CNOT4: variants seen among roughly 807,000 people sequenced by gnomAD.
The protein encoded by CNOT4 is CCR4-NOT transcription complex subunit 4, also known as CCR4-associated factor 4.
In CNOT4, 8 loss-of-function variants were observed where a neutral mutation model predicts 73.8. The observed-to-expected ratio is 0.11, with a 90% CI of 0.06 to 0.20. The LOEUF is 0.20. Among genes scored for constraint, CNOT4 ranks in the 10% least tolerant of loss-of-function variants. The pLI, the probability that CNOT4 is intolerant of heterozygous loss-of-function variation, is 1.00. For synonymous variants in CNOT4, 293 were observed against 321.1 expected, an observed-to-expected ratio of 0.91 and a Z score of 0.94; for missense variants, 564 against 883.4, an observed-to-expected ratio of 0.64 and a Z score of 4.58.
chr7:135,412,260 C>T (rs182253884), intron 6 of CNOT4, among the ~76,000 whole-genome samples: 13 of 151,878 alleles, frequency 8.6e-5, no homozygotes, highest in Admixed American at 7.9e-4. Context: ...GGTTAAATCC[C>T]ATTACAAACA....
intron 3 of CNOT4, among the ~76,000 whole-genome samples, chr7:135,421,300 T>C (rs575376002): frequency 4.6e-5 from 7 of 152,306 alleles, no homozygotes; most frequent in South Asian, 4.1e-4. Context: ...CACTACAATC[T>C]TTCCTCTGAT....
intron 10 of CNOT4, chr7:135,387,111 TAATTA>T: frequency 1.0e-6 from 1 of 982,874 alleles, no homozygotes; most frequent in Non-Finnish European, 1.2e-6. Flanking sequence ...ATGAAAACCA[TAATTA>T]AATTAAGCTA....
intron 2 of CNOT4, among the ~76,000 whole-genome samples, chr7:135,432,369 T>G (rs1798900684): frequency 6.6e-6 from 1 of 152,242 alleles, no homozygotes; most frequent in Admixed American, 6.5e-5. Context: ...TTTTCATTTC[T>G]CTACAACTTT....
At chr7:135,386,156 T>C (rs1461269624) in intron 10 of CNOT4, 1 of 139,072 alleles carries the variant, frequency 7.2e-6, no homozygotes, top group Non-Finnish European at 1.5e-5. Context: ...AGCTGTTCTT[T>C]TTTTTTTTTT....
At chr7:135,368,705 G>C (rs1490545947) in intron 10 of CNOT4, among the ~76,000 whole-genome samples, 2 of 152,080 alleles carry the variant, frequency 1.3e-5, no homozygotes, top group African/African-American at 4.8e-5. Flanking sequence ...TCTCACAACA[G>C]GTTGAAACTA....
chr7:135,431,510 A>G (rs562852028), intron 2 of CNOT4, among the ~76,000 whole-genome samples: 5 of 152,258 alleles, frequency 3.3e-5, no homozygotes, highest in Admixed American at 6.5e-5. Context: ...TTGGGAGGCC[A>G]AGGCGGGTGG....
chr7:135,390,869 GA>G (rs1476379571), intron 10 of CNOT4, among the ~76,000 whole-genome samples: 1 of 152,084 alleles, frequency 6.6e-6, no homozygotes, highest in Admixed American at 6.6e-5. Flanking sequence ...TGCCTTTCCA[GA>G]GTGTAGAATT....
At chr7:135,397,868 C>T (rs1354394105) in intron 8 of CNOT4, among the ~76,000 whole-genome samples, 1 of 152,046 alleles carries the variant, frequency 6.6e-6, no homozygotes, top group Non-Finnish European at 1.5e-5. Context: ...AAGCAAGGAA[C>T]TCAGAAGGCA....
intron 1 of CNOT4, among the ~76,000 whole-genome samples, chr7:135,477,063 C>A (rs1018089660): frequency 1.3e-5 from 2 of 151,968 alleles, no homozygotes; most frequent in African/African-American, 4.8e-5. Context: ...AATTTTAGGC[C>A]AGATGTTGTG....
intron 10 of CNOT4, among the ~76,000 whole-genome samples, chr7:135,376,736 T>C (rs924891669): frequency 3.9e-5 from 6 of 152,202 alleles, no homozygotes; most frequent in Non-Finnish European, 8.8e-5. Flanking sequence ...GTCTTATCTT[T>C]TTCTAAAAGA....
intron 7 of CNOT4, among the ~76,000 whole-genome samples, chr7:135,399,380 T>C (rs1234529808): frequency 6.6e-6 from 1 of 152,044 alleles, no homozygotes; most frequent in African/African-American, 2.4e-5. Context: ...CAATGTAACA[T>C]AAGGGTAAGC....
intron 1 of CNOT4, among the ~76,000 whole-genome samples, chr7:135,477,039 T>C (rs992227306): frequency 1.3e-5 from 2 of 152,224 alleles, no homozygotes; most frequent in Non-Finnish European, 2.9e-5. Flanking sequence ...TGAATATATA[T>C]GCTATAAATA....
intron 1 of CNOT4, among the ~76,000 whole-genome samples, chr7:135,468,122 A>G (rs985432940): frequency 1.1e-4 from 16 of 152,102 alleles, no homozygotes; most frequent in Admixed American, 8.5e-4. Flanking sequence ...GGGCTGAGGC[A>G]GGAGAATGGC....
At chr7:135,366,270 TTAACAGAA>T (rs1342142433) in intron 10 of CNOT4, among the ~76,000 whole-genome samples, 4 of 152,186 alleles carry the variant, frequency 2.6e-5, no homozygotes, top group Non-Finnish European at 5.9e-5. Flanking sequence ...TAATTTTGCA[TTAACAGAA>T]TAACACTTGC....
intron 1 of CNOT4, among the ~76,000 whole-genome samples, chr7:135,486,921 A>G (rs1802757337): frequency 2.6e-5 from 4 of 152,194 alleles, no homozygotes; most frequent in Admixed American, 2.6e-4. Flanking sequence ...CATAAAAAAA[A>G]TAAAAAAGGT....
chr7:135,468,958 G>C (rs1219089252), intron 1 of CNOT4, among the ~76,000 whole-genome samples: 1 of 152,108 alleles, frequency 6.6e-6, no homozygotes, highest in Non-Finnish European at 1.5e-5. Flanking sequence ...GACTGTAATG[G>C]AGAAAGAAGC....
At chr7:135,406,280 A>G (rs1219268695) in intron 7 of CNOT4, among the ~76,000 whole-genome samples, 1 of 150,706 alleles carries the variant, frequency 6.6e-6, no homozygotes, top group Non-Finnish European at 1.5e-5. Flanking sequence ...AACCGCATTA[A>G]AACAGAAAAC....
intron 1 of CNOT4, among the ~76,000 whole-genome samples, chr7:135,448,602 T>C (rs1254110115): frequency 6.7e-6 from 1 of 149,336 alleles, no homozygotes; most frequent in African/African-American, 2.5e-5. Context: ...CAGAGAAAAA[T>C]AAAGGCAAAG....
chr7:135,496,059 A>G (rs1458519433), intron 1 of CNOT4, among the ~76,000 whole-genome samples: 2 of 152,064 alleles, frequency 1.3e-5, no homozygotes, highest in East Asian at 1.9e-4. Context: ...TTTTCTGGCC[A>G]TTTTTACAGT....
Sources: gnomAD v4.1 joint callset for allele counts (sites outside exome capture counted in the v4.1 genomes callset) on GRCh38, gnomAD v4.1.1 for gene constraint, MANE v1.5 for transcripts, NCBI Gene and HGNC (gene_info 2026-07-23, HGNC 2026-07-21) for gene names.